Variants in UTRN observed in about 807,000 individuals in gnomAD.
UTRN encodes the protein utrophin.
A neutral mutation model predicts 463.9 loss-of-function variants in UTRN; 283 were observed. The observed-to-expected ratio is 0.61, with a 90% confidence interval of 0.55 to 0.67. The LOEUF (loss-of-function observed/expected upper bound fraction) is 0.67. Ranked by LOEUF, UTRN falls within the 30% of genes least tolerant of loss-of-function variation. UTRN has a pLI of 0.00. For synonymous variants in UTRN, 1,442 were observed against 1,431.5 expected (o/e 1.01, Z -0.17); for missense variants, 3,922 against 4,084.3 (o/e 0.96, Z 1.08).
At chr6:144,658,805 T>A (rs1385698777) in intron 51 of UTRN, among the ~76,000 whole-genome samples, 1 of 152,242 alleles carries the variant, frequency 6.6e-6, no homozygotes, top group Non-Finnish European at 1.5e-5. Flanking sequence ...ATTTATAATT[T>A]GGATTGGAGT....
intron 51 of UTRN, among the ~76,000 whole-genome samples, chr6:144,598,264 T>C (rs1488594706): frequency 6.6e-6 from 1 of 152,188 alleles, no homozygotes; most frequent in African/African-American, 2.4e-5. Flanking sequence ...GTACATTGGT[T>C]TGGTCCAAAA....
At chr6:144,806,966 T>C (rs1364406568) in intron 65 of UTRN, among the ~76,000 whole-genome samples, 1 of 152,196 alleles carries the variant, frequency 6.6e-6, no homozygotes, top group African/African-American at 2.4e-5. Flanking sequence ...GGTTCATCCA[T>C]CTTTTACTCA....
In UTRN at chr6:144,553,915, C is replaced by CAA. The variant is rs397886619; in HGVS notation, c.6929-755_6929-754dup. ...TGGGCGACAGAGCAAGACTCTCTCT[C>CAA]AAAAAAAAAAAAAAAAAAAGTTTCC... is the stretch of plus-strand genomic sequence containing the variant. On this transcript the variant is annotated intron_variant, in intron 48 of 74. Coordinates refer to ENST00000367545, the MANE Select transcript of UTRN (RefSeq NM_007124.3). Among the ~76,000 whole-genome samples, 670 of 99,690 alleles carry CAA rather than the reference C, an allele frequency of 6.7e-3. 5 individuals are homozygous for CAA. The highest frequency in any genetic ancestry group is 0.018 in the African/African-American group (547 of 29,616). The allele number at this position is 99,690 out of a possible 152,430, so 65.4% of individuals were successfully genotyped here. A position where few individuals can be genotyped will look rare whatever the true frequency, so the allele number is the denominator to read the frequency against.
At chr6:144,429,439 T>A (rs984203595) in intron 8 of UTRN, 142 bp from the exon 9 acceptor site, 1 of 628,052 alleles carries the variant, frequency 1.6e-6, no homozygotes, top group Non-Finnish European at 2.5e-6. Flanking sequence ...TATTATGAAG[T>A]GGCAATTTAC....
intron 46 of UTRN, among the ~76,000 whole-genome samples, chr6:144,547,520 A>G (rs1011233954): frequency 2.0e-5 from 3 of 152,258 alleles, no homozygotes; most frequent in East Asian, 1.9e-4. Flanking sequence ...TAATTTTTCT[A>G]TGGTGTATGT....
chr6:144,443,369 C>T (rs1787354537), intron 13 of UTRN, among the ~76,000 whole-genome samples: 1 of 152,122 alleles, frequency 6.6e-6, no homozygotes, highest in Non-Finnish European at 1.5e-5. Flanking sequence ...ATCTGAGATT[C>T]AGAGAGGTTA....
chr6:144,342,129 C>A (rs1316407276), intron 2 of UTRN, among the ~76,000 whole-genome samples: 1 of 152,106 alleles, frequency 6.6e-6, no homozygotes, highest in Non-Finnish European at 1.5e-5. Context: ...AATCAAACCA[C>A]AGTGAAATGT....
At chr6:144,763,484 G>A (rs375610110) in intron 58 of UTRN, among the ~76,000 whole-genome samples, 5 of 152,130 alleles carry the variant, frequency 3.3e-5, no homozygotes, top group African/African-American at 9.7e-5. Flanking sequence ...CTTGGGGAGC[G>A]AGTAGTTGAT....
At chr6:144,609,263 C>A (rs1805218366) in intron 51 of UTRN, among the ~76,000 whole-genome samples, 1 of 152,072 alleles carries the variant, frequency 6.6e-6, no homozygotes, top group African/African-American at 2.4e-5. Flanking sequence ...ATTTCACACA[C>A]ATGGAAACCC....
At chr6:144,345,296 A>G (rs1777470235) in intron 2 of UTRN, among the ~76,000 whole-genome samples, 1 of 152,184 alleles carries the variant, frequency 6.6e-6, no homozygotes, top group Non-Finnish European at 1.5e-5. Context: ...GTGTGCTACA[A>G]TTCTCATCAT....
intron 2 of UTRN, among the ~76,000 whole-genome samples, chr6:144,382,093 C>T (rs537349563): frequency 6.6e-6 from 1 of 152,252 alleles, no homozygotes; most frequent in African/African-American, 2.4e-5. Flanking sequence ...GTTGGCATTT[C>T]TCTAATGATA....
chr6:144,715,693 T>A (rs113655117), intron 53 of UTRN, among the ~76,000 whole-genome samples: 16 of 131,024 alleles, frequency 1.2e-4, no homozygotes, highest in African/African-American at 5.4e-4. Flanking sequence ...CTCTCTCTCT[T>A]CCCCCCCCAC....
intron 51 of UTRN, among the ~76,000 whole-genome samples, chr6:144,631,669 A>G (rs1234264376): frequency 6.6e-6 from 1 of 152,074 alleles, no homozygotes; most frequent in East Asian, 1.9e-4. Flanking sequence ...ATTTTATTTC[A>G]TTTTGTCTAC....
chr6:144,373,133 A>G (rs943420078), intron 2 of UTRN, among the ~76,000 whole-genome samples: 1 of 152,226 alleles, frequency 6.6e-6, no homozygotes, highest in Non-Finnish European at 1.5e-5. Context: ...TTAAGCTTTG[A>G]GTTATCATAT....
At chr6:144,819,427 G>C (rs977826946) in intron 65 of UTRN, among the ~76,000 whole-genome samples, 9 of 152,066 alleles carry the variant, frequency 5.9e-5, no homozygotes, top group Admixed American at 2.6e-4. Context: ...GGGTGCAGTG[G>C]CTCACACCTG....
At chr6:144,611,120 G>A (rs558353124) in intron 51 of UTRN, among the ~76,000 whole-genome samples, 7 of 152,202 alleles carry the variant, frequency 4.6e-5, no homozygotes, top group African/African-American at 1.7e-4. Context: ...TATGTTCATC[G>A]CGATAAATGC....
intron 48 of UTRN, among the ~76,000 whole-genome samples, chr6:144,554,352 G>A (rs147851619): frequency 1.1e-4 from 17 of 152,184 alleles, no homozygotes; most frequent in African/African-American, 3.4e-4. Flanking sequence ...ATCAAACCAG[G>A]TCTATAAATA....
intron 2 of UTRN, among the ~76,000 whole-genome samples, chr6:144,319,877 G>A (rs140154626): frequency 7.0e-6 from 1 of 143,648 alleles, no homozygotes; most frequent in Admixed American, 7.1e-5. Context: ...TTTTTGAGAC[G>A]GAGTCTTGTT....
chr6:144,499,640 G>A (rs1223017752), intron 34 of UTRN, among the ~76,000 whole-genome samples: 3 of 151,938 alleles, frequency 2.0e-5, no homozygotes, highest in Admixed American at 6.6e-5. Flanking sequence ...TTAGATTAAG[G>A]GGTACACATA....
Sources: gnomAD v4.1 joint callset for allele counts (sites outside exome capture counted in the v4.1 genomes callset) on GRCh38, gnomAD v4.1.1 for gene constraint, MANE v1.5 for transcripts, NCBI Gene and HGNC (gene_info 2026-07-23, HGNC 2026-07-21) for gene names.